The following NRXN3 variants were observed in gnomAD, a reference collection of about 807,000 sequenced individuals.
NRXN3 encodes neurexin III.
NRXN3 carries 32 observed loss-of-function variants against 137.6 expected under a neutral mutation model. The observed-to-expected ratio is 0.23, with a 90% CI of 0.18 to 0.31. The LOEUF (loss-of-function observed/expected upper bound fraction) is 0.31. NRXN3 is among the 10% of genes least tolerant of loss of function. The pLI is 1.00. For missense variants in NRXN3, 1,574 were observed against 2,062.5 expected, an observed-to-expected ratio of 0.76 and a Z score of 4.59; for synonymous variants, 798 against 784.5, an observed-to-expected ratio of 1.02 and a Z score of -0.29.
chr14:78,894,703 G>A (rs1042369176), intron 10 of NRXN3, among the ~76,000 whole-genome samples: 1 of 151,744 alleles, frequency 6.6e-6, no homozygotes, highest in African/African-American at 2.4e-5. Flanking sequence ...CACCATGTCA[G>A]TTCTAGCCTT....
chr14:79,492,760 CAG>C (rs1474070299), intron 16 of NRXN3, among the ~76,000 whole-genome samples: 4 of 152,090 alleles, frequency 2.6e-5, no homozygotes, highest in African/African-American at 9.7e-5. Flanking sequence ...TGTAAAGTCT[CAG>C]AAGATTACTT....
intron 15 of NRXN3, among the ~76,000 whole-genome samples, chr14:79,010,531 A>G (rs1028417240): frequency 2.6e-5 from 4 of 152,196 alleles, no homozygotes; most frequent in African/African-American, 9.7e-5. Context: ...TCACAACCCA[A>G]AAGAGGAGGG....
At chr14:79,057,812 C>T (rs1207607523) in intron 15 of NRXN3, among the ~76,000 whole-genome samples, 1 of 151,610 alleles carries the variant, frequency 6.6e-6, no homozygotes, top group Non-Finnish European at 1.5e-5. Context: ...GCTCCTTGGG[C>T]AAGTTTGGCA....
intron 4 of NRXN3, among the ~76,000 whole-genome samples, chr14:78,599,723 A>G (rs2097187620): frequency 6.6e-6 from 1 of 152,200 alleles, no homozygotes; most frequent in African/African-American, 2.4e-5. Flanking sequence ...CTATTCAAAA[A>G]TTTCTTTAGC....
At chr14:78,295,801 A>G (rs749874034) in intron 3 of NRXN3, among the ~76,000 whole-genome samples, 7 of 152,170 alleles carry the variant, frequency 4.6e-5, no homozygotes, top group African/African-American at 7.2e-5. Flanking sequence ...ATAAAGCGCA[A>G]TGATAGAGGT....
At chr14:79,680,128 A>C (rs1483772421) in intron 17 of NRXN3, among the ~76,000 whole-genome samples, 1 of 152,184 alleles carries the variant, frequency 6.6e-6, no homozygotes, top group Non-Finnish European at 1.5e-5. Flanking sequence ...CTTCTCAATG[A>C]GTTTAAAAAG....
chr14:79,736,004 C>G (rs950228867), intron 19 of NRXN3, among the ~76,000 whole-genome samples: 1 of 152,088 alleles, frequency 6.6e-6, no homozygotes, highest in Non-Finnish European at 1.5e-5. Context: ...GTGGCTTGTA[C>G]CAATGGATTT....
intron 3 of NRXN3, among the ~76,000 whole-genome samples, chr14:78,280,385 A>G (rs777700831): frequency 6.6e-6 from 1 of 152,216 alleles, no homozygotes; most frequent in Non-Finnish European, 1.5e-5. Flanking sequence ...GAGAAAATTG[A>G]AGCAGGATAG....
At chr14:79,227,721 T>C (rs1229939770) in intron 15 of NRXN3, among the ~76,000 whole-genome samples, 2 of 149,248 alleles carry the variant, frequency 1.3e-5, no homozygotes, top group African/African-American at 5.0e-5. Flanking sequence ...TCTTTCTTTT[T>C]CTCTCTCTCT....
intron 16 of NRXN3, among the ~76,000 whole-genome samples, chr14:79,574,353 T>G (rs1273596469): frequency 6.6e-6 from 1 of 152,108 alleles, no homozygotes; most frequent in African/African-American, 2.4e-5. Context: ...CAACTGCCTA[T>G]GTAGCCTTCC....
At chr14:78,608,917 A>G (rs2097275380) in intron 4 of NRXN3, among the ~76,000 whole-genome samples, 1 of 152,156 alleles carries the variant, frequency 6.6e-6, no homozygotes, top group African/African-American at 2.4e-5. Flanking sequence ...CAGATTGGTA[A>G]GGTGGGGGTG....
chr14:79,076,166 C>T (rs552860295), intron 15 of NRXN3, among the ~76,000 whole-genome samples: 2 of 152,184 alleles, frequency 1.3e-5, no homozygotes, highest in African/African-American at 4.8e-5. Context: ...GTCACCTCAA[C>T]TATTGATTCC....
chr14:79,131,713 G>A (rs2152963502), intron 15 of NRXN3, among the ~76,000 whole-genome samples: 1 of 152,260 alleles, frequency 6.6e-6, no homozygotes, highest in African/African-American at 2.4e-5. Context: ...CACCCAGTTG[G>A]AGCTTCCTGG....
intron 14 of NRXN3, among the ~76,000 whole-genome samples, chr14:78,976,713 T>C (rs959350721): frequency 6.6e-6 from 1 of 152,196 alleles, no homozygotes; most frequent in African/African-American, 2.4e-5. Context: ...CTTCCCATTA[T>C]TGTTCTTGTG....
chr14:79,441,364 A>ATTTTTTT (rs2095942733), intron 15 of NRXN3, among the ~76,000 whole-genome samples: 1 of 108,330 alleles, frequency 9.2e-6, no homozygotes, highest in East Asian at 4.0e-4. Context: ...CAAACAGAAA[A>ATTTTTTT]TCTTTTTTTT....
chr14:79,501,779 G>A (rs938939837), intron 16 of NRXN3, among the ~76,000 whole-genome samples: 1 of 151,720 alleles, frequency 6.6e-6, no homozygotes, highest in Non-Finnish European at 1.5e-5. Flanking sequence ...CGAGGTCAGG[G>A]ACTCTAAAAC....
intron 15 of NRXN3, among the ~76,000 whole-genome samples, chr14:79,084,163 C>T (rs2047623523): frequency 6.6e-6 from 1 of 152,068 alleles, no homozygotes; most frequent in Non-Finnish European, 1.5e-5. Context: ...TTCCTCATGC[C>T]TCAGCCTCCT....
At chr14:78,284,100 G>T (rs2153508147) in intron 3 of NRXN3, among the ~76,000 whole-genome samples, 1 of 152,314 alleles carries the variant, frequency 6.6e-6, no homozygotes, top group Middle Eastern at 3.4e-3. Context: ...TAGTATAAAT[G>T]TGAAAGGAAA....
chr14:79,051,927 T>G (rs1308448086), intron 15 of NRXN3, among the ~76,000 whole-genome samples: 3 of 152,202 alleles, frequency 2.0e-5, no homozygotes, highest in Non-Finnish European at 4.4e-5. Flanking sequence ...GCAAGTAGAG[T>G]CAGCATTTAC....
Sources: gnomAD v4.1 joint callset for allele counts (sites outside exome capture counted in the v4.1 genomes callset) on GRCh38, gnomAD v4.1.1 for gene constraint, MANE v1.5 for transcripts, NCBI Gene and HGNC (gene_info 2026-07-23, HGNC 2026-07-21) for gene names.